Variants in EGLN1 observed in about 807,000 individuals in gnomAD.
EGLN1 encodes egl nine homolog 1.
Under a neutral mutation model 38.3 loss-of-function variants are expected in EGLN1, and 17 were observed. The ratio of observed to expected loss-of-function variants is 0.44; its 90% CI spans 0.30 to 0.67. EGLN1 has a LOEUF of 0.67. Among genes scored for constraint, EGLN1 ranks in the 30% least tolerant of loss-of-function variants. The probability of loss-of-function intolerance (pLI) is 0.08; values close to 1 mark genes in which losing one functional copy is unlikely to be tolerated. For synonymous variants in EGLN1, 283 were observed against 257.5 expected, an observed-to-expected ratio of 1.10 and a Z score of -0.95; for missense variants, 477 against 603.3, an observed-to-expected ratio of 0.79 and a Z score of 2.19.
At chr1:231,395,249 A>T (rs1558388990) in intron 1 of EGLN1, among the ~76,000 whole-genome samples, 1 of 152,188 alleles carries the variant, frequency 6.6e-6, no homozygotes, top group African/African-American at 2.4e-5. Context: ...CCAATCATCT[A>T]GGCTCTCTTT....
intron 1 of EGLN1, among the ~76,000 whole-genome samples, chr1:231,382,359 T>C (rs983049386): frequency 3.9e-5 from 6 of 152,150 alleles, no homozygotes; most frequent in Non-Finnish European, 7.3e-5. Flanking sequence ...TTAGTTAACA[T>C]GCAAGCCCAA....
chr1:231,370,679 C>T lies in EGLN1; in HGVS notation c.1031G>A (p.Arg344Gln). 2 of 1,613,952 alleles carry T rather than the reference C, an allele frequency of 1.2e-6. No homozygotes were observed. The highest frequency in any genetic ancestry group is 1.7e-6 in the Non-Finnish European group (2 of 1,180,008). Residue 344 changes from arginine to glutamine, a missense_variant, in exon 3 of 5, where the codon CGA (arginine) becomes CAA (glutamine). Around this residue, in one of 4 missense-constraint regions of EGLN1, gnomAD observed 59 missense variants for 119.0 expected, o/e 0.50. Transcript: ENST00000366641. ...CTGGGCTTTGCCTTCTGGAAAAATT[C>T]GAAGTATACCTCCACTTACCTAGGA... ...WDAKVSGGIL[R>Q]IFPEGKAQFA...
intron 1 of EGLN1, among the ~76,000 whole-genome samples, chr1:231,403,444 A>T (rs573360595): frequency 6.6e-6 from 1 of 152,132 alleles, no homozygotes; most frequent in Non-Finnish European, 1.5e-5. Flanking sequence ...ATAAAGTCAT[A>T]AACAAAGCAG....
At chr1:231,394,257 C>A (rs1688461128) in intron 1 of EGLN1, among the ~76,000 whole-genome samples, 1 of 152,194 alleles carries the variant, frequency 6.6e-6, no homozygotes, top group Admixed American at 6.5e-5. Context: ...TCTGACCTCA[C>A]CTGGACCTTC....
At chr1:231,393,780 A>G (rs1558388391) in intron 1 of EGLN1, among the ~76,000 whole-genome samples, 1 of 152,070 alleles carries the variant, frequency 6.6e-6, no homozygotes, top group African/African-American at 2.4e-5. Flanking sequence ...TTTCCCTTTC[A>G]GAAAAAAAAA....
At chr1:231,380,000 A>AC (rs1240685520) in intron 1 of EGLN1, among the ~76,000 whole-genome samples, 2 of 152,178 alleles carry the variant, frequency 1.3e-5, no homozygotes, top group African/African-American at 4.8e-5. Context: ...TACGGAAGAA[A>AC]ACAGGTCATG....
chr1:231,382,348 C>T (rs961285975), intron 1 of EGLN1, among the ~76,000 whole-genome samples: 1 of 152,122 alleles, frequency 6.6e-6, no homozygotes, highest in Non-Finnish European at 1.5e-5. Context: ...TCCTGGAGCA[C>T]TTAGTTAACA....
chr1:231,419,656 A>G (rs558659228), intron 1 of EGLN1, among the ~76,000 whole-genome samples: 24 of 152,326 alleles, frequency 1.6e-4, no homozygotes, highest in Non-Finnish European at 2.9e-4. Context: ...TTCCAGTTTA[A>G]TATTATTCAA....
At chr1:231,390,081 G>A (rs1364132811) in intron 1 of EGLN1, among the ~76,000 whole-genome samples, 3 of 152,172 alleles carry the variant, frequency 2.0e-5, no homozygotes, top group Non-Finnish European at 4.4e-5. Context: ...CAACTTCTCT[G>A]TACCTAACTA....
At chr1:231,417,111 G>A (rs756475868) in intron 1 of EGLN1, among the ~76,000 whole-genome samples, 18 of 152,234 alleles carry the variant, frequency 1.2e-4, no homozygotes, top group Non-Finnish European at 2.5e-4. Context: ...GGTCAGTTTC[G>A]TTTTTAACAT....
intron 1 of EGLN1, among the ~76,000 whole-genome samples, chr1:231,401,499 T>C (rs1380431599): frequency 3.3e-5 from 5 of 152,182 alleles, no homozygotes; most frequent in Non-Finnish European, 4.4e-5. Context: ...AGATACATCT[T>C]TAAGAATATC....
chr1:231,391,114 G>T (rs1308311830), intron 1 of EGLN1, among the ~76,000 whole-genome samples: 11 of 151,358 alleles, frequency 7.3e-5, no homozygotes, highest in African/African-American at 2.7e-4. Flanking sequence ...GTGTGTGTGT[G>T]TGTGTGTGTG....
rs1228703949 is a variant in EGLN1, at chr1:231,391,098, G to T, written c.892-16999C>A. On this transcript the variant is annotated intron_variant, in intron 1 of 4. Coordinates refer to ENST00000366641, the MANE Select transcript of EGLN1 (RefSeq NM_022051.3). Reference sequence around the variant, plus strand: ...AACTCATTCTGTTTTTTTTTTGTGTGTGTGTGTGTGTGTGTGTGTGTGTGT... The same window carrying T: ...AACTCATTCTGTTTTTTTTTTGTGTTTGTGTGTGTGTGTGTGTGTGTGTGT... Among the ~76,000 whole-genome samples, 795 of 124,214 alleles carry T rather than the reference G, an allele frequency of 6.4e-3. 18 individuals are homozygous for T. The highest frequency in any genetic ancestry group is 0.02 in the African/African-American group (670 of 33,078). 81.5% of individuals were successfully genotyped at this position (124,214 alleles called of 152,430 possible). A position where few individuals can be genotyped will look rare whatever the true frequency, so the allele number is the denominator to read the frequency against.
chr1:231,420,905 A>T, intron 1 of EGLN1, 93 bp downstream of exon 1: 1 of 1,610,424 alleles, frequency 6.2e-7, no homozygotes, highest in Non-Finnish European at 8.5e-7. Context: ...TATATAGAGG[A>T]ATGCTGCTTC....
At chr1:231,383,663 T>C (rs1049459362) in intron 1 of EGLN1, among the ~76,000 whole-genome samples, 3 of 151,932 alleles carry the variant, frequency 2.0e-5, no homozygotes, top group African/African-American at 7.3e-5. Context: ...TGTGGAGCAA[T>C]AGGGATGGGG....
At chr1:231,401,244 GT>G (rs1446623102) in intron 1 of EGLN1, among the ~76,000 whole-genome samples, 1 of 152,096 alleles carries the variant, frequency 6.6e-6, no homozygotes, top group East Asian at 1.9e-4. Context: ...TTTGGAACAA[GT>G]TTTTAAATCT....
At chr1:231,367,505 G>C (rs1273942107) in intron 4 of EGLN1, 64 bp downstream of exon 4, 2 of 1,509,826 alleles carry the variant, frequency 1.3e-6, no homozygotes, top group Non-Finnish European at 9.2e-7. Flanking sequence ...TGAGTTTCCT[G>C]AAAGCATCAC....
chr1:231,367,684 A>G (rs747598076), intron 3 of EGLN1, 48 bp from the exon 4 acceptor site: 1 of 1,564,392 alleles, frequency 6.4e-7, no homozygotes, highest in Non-Finnish European at 8.8e-7. Flanking sequence ...CTGCGGGGAA[A>G]AAGTGGTATT....
intron 1 of EGLN1, among the ~76,000 whole-genome samples, chr1:231,396,765 A>G (rs2486731): frequency 0.61 from 92,000 of 151,884 alleles, 28,100 homozygotes; most frequent in Non-Finnish European, 0.65. Flanking sequence ...CCTTCACATT[A>G]CTCTTCTTCA....
Sources: allele counts gnomAD v4.1 joint callset (sites outside exome capture counted in the v4.1 genomes callset), GRCh38; gene constraint gnomAD v4.1.1; regional missense constraint gnomAD v4.1.1; transcripts MANE v1.5; gene names NCBI Gene and HGNC (gene_info 2026-07-23, HGNC 2026-07-21).